ANKRD11: variants seen among roughly 807,000 people sequenced by gnomAD.
ANKRD11 encodes the protein ankyrin repeat domain 11.
A neutral mutation model predicts 195.7 loss-of-function variants in ANKRD11; 17 were observed. That is an observed-to-expected ratio of 0.09 (90% CI 0.06 to 0.13). ANKRD11 has a LOEUF of 0.13. Among genes scored for constraint, ANKRD11 ranks in the 10% least tolerant of loss-of-function variants. ANKRD11 has a pLI of 1.00. For synonymous variants in ANKRD11, 1,953 were observed against 1,528.1 expected (o/e 1.28, Z -6.49); for missense variants, 3,735 against 3,566.1 (o/e 1.05, Z -1.21).
At chr16:89,402,361 G>A (rs908588627) in intron 2 of ANKRD11, among the ~76,000 whole-genome samples, 4 of 152,264 alleles carry the variant, frequency 2.6e-5, no homozygotes, top group African/African-American at 9.6e-5. Flanking sequence ...TAAGGTATCT[G>A]GGATTGAGCG....
chr16:89,430,039 C>T (rs1597378807), intron 1 of ANKRD11, among the ~76,000 whole-genome samples: 2 of 131,132 alleles, frequency 1.5e-5, no homozygotes, highest in Admixed American at 7.4e-5. Context: ...CTCAGTCGTT[C>T]TAGTACACAG....
chr16:89,308,682 A>G (rs1416624624), intron 3 of ANKRD11, among the ~76,000 whole-genome samples: 1 of 152,212 alleles, frequency 6.6e-6, no homozygotes, highest in Non-Finnish European at 1.5e-5. Context: ...AACAAGCACA[A>G]GGATGTTCAA....
chr16:89,286,286 G>A (rs1433953574), intron 7 of ANKRD11, 100 bp from the exon 8 acceptor site: 4 of 1,524,458 alleles, frequency 2.6e-6, no homozygotes, highest in Non-Finnish European at 3.6e-6. Context: ...CCTGGGGTTC[G>A]ACCCGAGAGC....
intron 1 of ANKRD11, among the ~76,000 whole-genome samples, chr16:89,480,014 G>T (rs1462847199): frequency 1.3e-5 from 2 of 151,654 alleles, no homozygotes; most frequent in Non-Finnish European, 2.9e-5. Context: ...GGGAGGCTGA[G>T]GCAGGAGAAA....
At chr16:89,453,149 T>G (rs1316126742) in intron 1 of ANKRD11, among the ~76,000 whole-genome samples, 1 of 152,196 alleles carries the variant, frequency 6.6e-6, no homozygotes, top group African/African-American at 2.4e-5. Flanking sequence ...TAATAGTATT[T>G]AACAAGATAA....
chr16:89,361,773 A>G (rs1234848286), intron 2 of ANKRD11: 1 of 152,286 alleles, frequency 6.6e-6, no homozygotes, highest in Non-Finnish European at 1.5e-5. Context: ...TCTAAGGACT[A>G]AGGGAGAAGT....
chr16:89,315,306 C>T (rs995052711), intron 3 of ANKRD11, among the ~76,000 whole-genome samples: 6 of 152,208 alleles, frequency 3.9e-5, no homozygotes, highest in African/African-American at 1.2e-4. Context: ...CCCAACCCCA[C>T]GAGATGAGGA....
intron 1 of ANKRD11, among the ~76,000 whole-genome samples, chr16:89,458,612 G>A (rs186366171): frequency 6.0e-4 from 92 of 152,332 alleles, no homozygotes; most frequent in African/African-American, 2.1e-3. Context: ...TCCACTGGAA[G>A]GCTGAACATC....
intron 1 of ANKRD11, among the ~76,000 whole-genome samples, chr16:89,489,607 C>G (rs1056626428): frequency 6.6e-6 from 1 of 152,016 alleles, no homozygotes; most frequent in Non-Finnish European, 1.5e-5. Context: ...CAACTACGAC[C>G]AGCACGGCGA....
chr16:89,370,935 C>T (rs1056343487), intron 2 of ANKRD11, among the ~76,000 whole-genome samples: 8 of 152,144 alleles, frequency 5.3e-5, no homozygotes, highest in African/African-American at 1.4e-4. Context: ...CCACGAGACG[C>T]CCAAGAACCA....
intron 2 of ANKRD11, among the ~76,000 whole-genome samples, chr16:89,415,595 T>A (rs1213989986): frequency 6.6e-6 from 1 of 151,434 alleles, no homozygotes; most frequent in African/African-American, 2.4e-5. Context: ...TGCATTTTAA[T>A]GCCAGATAAA....
intron 2 of ANKRD11, among the ~76,000 whole-genome samples, chr16:89,339,365 A>C (rs1197251905): frequency 6.7e-6 from 1 of 150,048 alleles, no homozygotes; most frequent in Admixed American, 6.6e-5. Context: ...GCAAACAAAC[A>C]AACAAACAAA....
At chr16:89,353,352 G>C (rs1336067298) in intron 2 of ANKRD11, among the ~76,000 whole-genome samples, 2 of 144,710 alleles carry the variant, frequency 1.4e-5, no homozygotes, top group Non-Finnish European at 3.0e-5. Flanking sequence ...CAAAAAAAAA[G>C]AGAGAGAGAG....
At chr16:89,411,807 A>G (rs984612406) in intron 2 of ANKRD11, among the ~76,000 whole-genome samples, 13 of 152,178 alleles carry the variant, frequency 8.5e-5, no homozygotes, top group Admixed American at 4.6e-4. Flanking sequence ...TAGAGTGGGG[A>G]AAAAAAGAGA....
rs114978967 is a variant in ANKRD11, at chr16:89,333,970, G to A, written c.-59-16892C>T. Among the ~76,000 whole-genome samples, 565 of 151,954 alleles carry A rather than the reference G, an allele frequency of 3.7e-3. 2 individuals carry two copies. The highest frequency in any genetic ancestry group is 0.013 in the African/African-American group (545 of 41,404). On this transcript the variant is annotated intron_variant, in intron 2 of 12. Transcript: ENST00000301030. ...TTCAAATGCTGGCCTAACTGGTTAA[G>A]AGCCCTCAATCTGTGGTCAGATATA...
At position 89,275,168 on chromosome 16, in the gene ANKRD11, C is replaced by T. The variant is rs200826191; in HGVS notation, c.7494G>A (p.Ala2498=). 29 of 1,609,976 alleles carry T rather than the reference C, an allele frequency of 1.8e-5. No individual in the cohort carries two copies. The highest frequency in any genetic ancestry group is 6.7e-5 in the Admixed American group (4 of 59,454). Residue 2498 remains alanine (A), a synonymous_variant, in exon 10 of 13, where the codon GCG becomes GCA. Transcript: ENST00000301030. The part of the protein sequence containing the change: ...IPVIAPPPSL[A]EPLKELFRQQ... ...GCCTGAACAGCTCCTTCAGGGGCTC[C>T]GCCAGGGAGGGAGGGGGTGCGATCT...
intron 2 of ANKRD11, among the ~76,000 whole-genome samples, chr16:89,356,803 GAAAAAA>G (rs1303057644): frequency 7.0e-6 from 1 of 143,304 alleles, no homozygotes; most frequent in Non-Finnish European, 1.5e-5. Context: ...AAAGAAAAAA[GAAAAAA>G]AAAGAACGTA....
intron 12 of ANKRD11, chr16:89,270,365 GC>G (rs1597394534): frequency 7.6e-6 from 2 of 264,790 alleles, no homozygotes; most frequent in East Asian, 1.9e-4. Flanking sequence ...GCCTTCCGTT[GC>G]CTCCTGGTGG....
chr16:89,381,982 G>C (rs1186168542), intron 2 of ANKRD11, among the ~76,000 whole-genome samples: 1 of 152,204 alleles, frequency 6.6e-6, no homozygotes, highest in African/African-American at 2.4e-5. Context: ...GTGTGTCTGA[G>C]ATCGTTTAAC....
Sources: gnomAD v4.1 joint callset for allele counts (sites outside exome capture counted in the v4.1 genomes callset) on GRCh38, gnomAD v4.1.1 for gene constraint, MANE v1.5 for transcripts, NCBI Gene and HGNC (gene_info 2026-07-23, HGNC 2026-07-21) for gene names.